The following PRKN variants were observed in gnomAD, a reference collection of about 807,000 sequenced individuals.
PRKN encodes E3 ubiquitin-protein ligase parkin.
Under a neutral mutation model 59.5 loss-of-function variants are expected in PRKN, and 56 were observed. The ratio of observed to expected loss-of-function variants is 0.94; its 90% confidence interval spans 0.76 to 1.18. PRKN has a LOEUF of 1.18. Ranked by LOEUF, PRKN falls within the 50% of genes most tolerant of loss-of-function variation. The pLI, the probability that PRKN is intolerant of heterozygous loss-of-function variation, is 0.00. For missense variants in PRKN, 657 were observed against 596.4 expected (o/e 1.10, Z -1.06); for synonymous variants, 250 against 222.1 (o/e 1.13, Z -1.12).
chr6:162,235,933 G>GAAA, intron 3 of PRKN, among the ~76,000 whole-genome samples: 1 of 83,130 alleles, frequency 1.2e-5, no homozygotes, highest in East Asian at 7.4e-4. Flanking sequence ...AAGGAAGGAA[G>GAAA]GAAGGAAGGA....
chr6:161,443,909 T>C (rs1789369581), intron 9 of PRKN, among the ~76,000 whole-genome samples: 1 of 152,200 alleles, frequency 6.6e-6, no homozygotes, highest in East Asian at 1.9e-4. Context: ...AGCTGCCTAA[T>C]TGCAGTCATT....
intron 4 of PRKN, among the ~76,000 whole-genome samples, chr6:162,191,349 A>G (rs1280584715): frequency 6.6e-6 from 1 of 152,184 alleles, no homozygotes; most frequent in Non-Finnish European, 1.5e-5. Context: ...CGTTACTATC[A>G]CTGGCCATAT....
intron 7 of PRKN, among the ~76,000 whole-genome samples, chr6:161,659,207 A>T (rs753728605): frequency 6.6e-6 from 1 of 152,228 alleles, no homozygotes; most frequent in African/African-American, 2.4e-5. Flanking sequence ...GACACTTAGT[A>T]TTCCAGGGCA....
At chr6:162,054,477 G>C (rs1021085395) in intron 4 of PRKN, among the ~76,000 whole-genome samples, 1 of 152,186 alleles carries the variant, frequency 6.6e-6, no homozygotes, top group South Asian at 2.1e-4. Context: ...GGCCATCCCT[G>C]ACTTTGCTCC....
intron 1 of PRKN, among the ~76,000 whole-genome samples, chr6:162,646,560 A>C (rs1045800936): frequency 6.6e-6 from 1 of 152,162 alleles, no homozygotes; most frequent in Non-Finnish European, 1.5e-5. Flanking sequence ...CTTGGATTAC[A>C]GGCATGAGCC....
At chr6:162,323,939 C>T (rs1464975644) in intron 2 of PRKN, among the ~76,000 whole-genome samples, 1 of 151,376 alleles carries the variant, frequency 6.6e-6, no homozygotes, top group African/African-American at 2.4e-5. Flanking sequence ...ACACAATATT[C>T]AGAGTAACTT....
intron 6 of PRKN, among the ~76,000 whole-genome samples, chr6:161,810,670 T>C (rs1231896857): frequency 6.6e-6 from 1 of 152,242 alleles, no homozygotes; most frequent in Non-Finnish European, 1.5e-5. Flanking sequence ...TGAAAATACC[T>C]ATGCTAAAAA....
At chr6:161,626,793 C>A (rs954422649) in intron 7 of PRKN, among the ~76,000 whole-genome samples, 8 of 152,216 alleles carry the variant, frequency 5.3e-5, no homozygotes, top group African/African-American at 1.7e-4. Context: ...CTGGCTGGTG[C>A]CGCAGGCATT....
In PRKN at chr6:161,408,010, C is replaced by T. The variant is rs532027634; in HGVS notation, c.1084-21133G>A. ...TCTTTTTGGACTCAGCCCACTTGCACCCAAGTGAATAAACAGCTTTATTGC... is the reference window on the plus strand; with the variant it reads ...TCTTTTTGGACTCAGCCCACTTGCATCCAAGTGAATAAACAGCTTTATTGC... On this transcript the variant is annotated intron_variant, in intron 9 of 11. Coordinates refer to ENST00000366898, the MANE Select transcript of PRKN (RefSeq NM_004562.3). 2.0e-3 allele frequency among the ~76,000 whole-genome samples: 303 copies of T among 152,264 alleles called. 3 individuals are homozygous for T. Among genetic ancestry groups the T allele is most frequent in the African/African-American group, 7.0e-3 (291 of 41,534 alleles).
intron 4 of PRKN, among the ~76,000 whole-genome samples, chr6:162,186,521 C>T (rs986736090): frequency 6.6e-6 from 1 of 152,130 alleles, no homozygotes; most frequent in Non-Finnish European, 1.5e-5. Context: ...AAAGACTCCA[C>T]TCAGAGAGCT....
At chr6:162,680,407 A>G (rs939383125) in intron 1 of PRKN, among the ~76,000 whole-genome samples, 4 of 151,678 alleles carry the variant, frequency 2.6e-5, no homozygotes, top group Non-Finnish European at 4.4e-5. Context: ...ATATATATGT[A>G]CACACATACA....
intron 4 of PRKN, among the ~76,000 whole-genome samples, chr6:162,116,903 G>A (rs769216445): frequency 6.6e-5 from 10 of 152,196 alleles, no homozygotes; most frequent in Non-Finnish European, 1.5e-4. Flanking sequence ...ATTCAGGGAT[G>A]TGTGTTTTAG....
intron 9 of PRKN, among the ~76,000 whole-genome samples, chr6:161,406,617 T>A (rs12197865): frequency 0.044 from 6,768 of 152,158 alleles, 193 homozygotes; most frequent in Admixed American, 0.088. Context: ...CCGAAGGAAA[T>A]ATGTTTTGGG....
At chr6:162,563,683 G>A (rs1295363737) in intron 1 of PRKN, among the ~76,000 whole-genome samples, 3 of 152,138 alleles carry the variant, frequency 2.0e-5, no homozygotes, top group Non-Finnish European at 2.9e-5. Context: ...AGGCACCAGG[G>A]ACCAATCCTG....
chr6:161,577,012 C>T (rs561275588), intron 7 of PRKN, among the ~76,000 whole-genome samples: 13 of 152,240 alleles, frequency 8.5e-5, no homozygotes, highest in Non-Finnish European at 1.5e-4. Context: ...AAATGATAAA[C>T]GCCCCTGAAG....
At chr6:161,835,184 C>A (rs1350398901) in intron 6 of PRKN, among the ~76,000 whole-genome samples, 3 of 152,108 alleles carry the variant, frequency 2.0e-5, no homozygotes, top group Non-Finnish European at 4.4e-5. Flanking sequence ...AAGGGGGAAT[C>A]ATTTTTATTT....
In PRKN at chr6:161,581,041, A is replaced by ACAC. The variant is rs1781318011; in HGVS notation, c.872-11626_872-11625insGTG. Among the ~76,000 whole-genome samples the ACAC allele has an allele frequency of 2.9e-5, 4 of 137,538 alleles. No homozygotes were observed. Among genetic ancestry groups the ACAC allele is most frequent in the African/African-American group, 5.6e-5 (2 of 35,874 alleles). The allele number at this position is 137,538 out of a possible 152,430, so 90.2% of individuals were successfully genotyped here. Reference sequence around the variant, plus strand: ...ACACAGTGAAATCCTGTCTCTACTAAACACACACACACACACACACACACA... The same window carrying ACAC: ...ACACAGTGAAATCCTGTCTCTACTAACACACACACACACACACACACACACACA... On this transcript the variant is annotated intron_variant, in intron 7 of 11. Coordinates refer to ENST00000366898, the MANE Select transcript of PRKN (RefSeq NM_004562.3). This position sits in a 1 kb window ranked among gnomAD's most constrained non-coding sequence, Gnocchi z 4.5.
chr6:161,647,307 CA>C (rs1313917234), intron 7 of PRKN, among the ~76,000 whole-genome samples: 2 of 152,214 alleles, frequency 1.3e-5, no homozygotes, highest in Non-Finnish European at 2.9e-5. Flanking sequence ...TAGGGCATGA[CA>C]GGGGCAGAGC....
rs555302566 is a variant in PRKN at position 161,545,817 on chromosome 6, A to G, written c.1083+3037T>C. Reference sequence around the variant, plus strand: ...CCTTAAAGGCAACTTTCCTCAGGACAAGCATAAATGTGCCTGGTACTCAGA... The same window carrying G: ...CCTTAAAGGCAACTTTCCTCAGGACGAGCATAAATGTGCCTGGTACTCAGA... On this transcript the variant is annotated intron_variant, in intron 9 of 11. Transcript: ENST00000366898. The surrounding 1 kb of genome is among the most constrained non-coding windows in gnomAD (Gnocchi z 4.1). 1.3e-5 allele frequency among the ~76,000 whole-genome samples: 2 copies of G among 152,350 alleles called. No individual in the cohort carries two copies. The highest frequency in any genetic ancestry group is 2.9e-5 in the Non-Finnish European group (2 of 68,030).
Sources: gnomAD v4.1 joint callset for allele counts (sites outside exome capture counted in the v4.1 genomes callset) on GRCh38, gnomAD v4.1.1 for gene constraint, Gnocchi (gnomAD v3.1) non-coding constraint, MANE v1.5 for transcripts, NCBI Gene and HGNC (gene_info 2026-07-23, HGNC 2026-07-21) for gene names.